The following POU2F2 variants were observed in gnomAD, a reference collection of about 807,000 sequenced individuals.
POU2F2 encodes the protein POU class 2 homeobox 2.
A neutral mutation model predicts 63.5 loss-of-function variants in POU2F2; 14 were observed. That is an observed-to-expected ratio of 0.22 (90% CI 0.15 to 0.34). The LOEUF (loss-of-function observed/expected upper bound fraction) is 0.34, where lower values mean the gene tolerates loss of function less well. Among genes scored for constraint, POU2F2 ranks in the 10% least tolerant of loss-of-function variants. The pLI is 1.00. For missense variants in POU2F2, 607 were observed against 815.2 expected, an observed-to-expected ratio of 0.74 and a Z score of 3.11; for synonymous variants, 306 against 348.6, an observed-to-expected ratio of 0.88 and a Z score of 1.36.
intron 2 of POU2F2, among the ~76,000 whole-genome samples, chr19:42,142,175 T>C (rs2146757186): frequency 6.6e-6 from 1 of 152,328 alleles, no homozygotes; most frequent in South Asian, 2.1e-4. Flanking sequence ...ACCTCTTTTG[T>C]AGTAACTTCA....
intron 1 of POU2F2, among the ~76,000 whole-genome samples, chr19:42,190,006 C>T (rs752723133): frequency 1.3e-5 from 2 of 152,158 alleles, no homozygotes; most frequent in Non-Finnish European, 2.9e-5. Context: ...GGATTACAGG[C>T]GTAAGCCGCT....
intron 1 of POU2F2, among the ~76,000 whole-genome samples, chr19:42,188,695 G>A (rs116032193): frequency 0.028 from 3,407 of 122,380 alleles, 169 homozygotes; most frequent in African/African-American, 0.095. Flanking sequence ...AAGAAAGAAA[G>A]TGAAAGAAAG....
chr19:42,106,001 TTC>T (rs1360611361), intron 5 of POU2F2, among the ~76,000 whole-genome samples: 4 of 88,214 alleles, frequency 4.5e-5, no homozygotes, highest in Admixed American at 1.1e-4. Flanking sequence ...TCTTTCTTTT[TTC>T]TTTCTTTCTT....
chr19:42,142,065 G>A (rs2034139023), intron 2 of POU2F2, among the ~76,000 whole-genome samples: 1 of 152,216 alleles, frequency 6.6e-6, no homozygotes, highest in Admixed American at 6.5e-5. Context: ...TATCATTGAT[G>A]TAAAACACAT....
chr19:42,140,921 C>T (rs1452993608), intron 2 of POU2F2, among the ~76,000 whole-genome samples: 1 of 152,192 alleles, frequency 6.6e-6, no homozygotes, highest in Non-Finnish European at 1.5e-5. Flanking sequence ...TCAACCTCCT[C>T]AGCTATCTCA....
chr19:42,117,009 C>CCATCA lies in POU2F2; in HGVS notation c.369+240_369+241insTGATG. The CCATCA allele has an allele frequency of 1.6e-6, 1 of 619,566 alleles. No homozygotes were observed. Among genetic ancestry groups the CCATCA allele is most frequent in the Non-Finnish European group, 2.9e-6 (1 of 342,256 alleles). The allele number at this position is 619,566 out of a possible 1,614,324, so 38.4% of individuals were successfully genotyped here. On this transcript the variant is annotated intron_variant, in intron 5 of 14. Transcript: ENST00000692977. This position sits in a 1 kb window ranked among gnomAD's most constrained non-coding sequence, Gnocchi z 4.4. ...GAGCTGGCATCAGTGCCGTGAGCTGCGGGGTGTCGGGGACAGCAGGAATTG... is the reference window on the plus strand; with the variant it reads ...GAGCTGGCATCAGTGCCGTGAGCTGCCATCAGGGGTGTCGGGGACAGCAGGAATTG...
chr19:42,122,381 G>A lies in POU2F2; in HGVS notation c.95-3C>T. The A allele has an allele frequency of 6.2e-7, 1 of 1,601,710 alleles. No homozygotes were observed. Among genetic ancestry groups the A allele is most frequent in the Non-Finnish European group, 8.5e-7 (1 of 1,174,708 alleles). On this transcript the variant is annotated splice_polypyrimidine_tract_variant and splice_region_variant and intron_variant, in intron 2 of 14. Transcript: ENST00000692977. ...GTCTGGTCCATTTCTTTCGGTGTCT[G>A]CAAAGAGAGGGAAAGGATGTGTTGT... is the stretch of plus-strand genomic sequence containing the variant.
chr19:42,141,975 C>A (rs765118304), intron 2 of POU2F2, among the ~76,000 whole-genome samples: 1 of 152,166 alleles, frequency 6.6e-6, no homozygotes, highest in Non-Finnish European at 1.5e-5. Context: ...TGAGACTGAT[C>A]TATGGATTGC....
At chr19:42,149,851 G>A (rs1278209499) in intron 2 of POU2F2, among the ~76,000 whole-genome samples, 3 of 152,264 alleles carry the variant, frequency 2.0e-5, no homozygotes, top group Non-Finnish European at 4.4e-5. Context: ...GGGCTGCTCC[G>A]GGCAGAGCTG....
intron 2 of POU2F2, among the ~76,000 whole-genome samples, chr19:42,138,650 G>A (rs763966959): frequency 8.5e-5 from 13 of 152,054 alleles, no homozygotes; most frequent in African/African-American, 1.2e-4. Context: ...GGTCCAAGGC[G>A]GCAGGGGAGA....
At chr19:42,097,199 T>G (rs1432043164) in intron 7 of POU2F2, among the ~76,000 whole-genome samples, 3 of 149,666 alleles carry the variant, frequency 2.0e-5, no homozygotes, top group Non-Finnish European at 3.0e-5. Context: ...TCAGTTTTTT[T>G]TTTTTTTTTT....
At chr19:42,187,472 A>C (rs982623344) in intron 1 of POU2F2, among the ~76,000 whole-genome samples, 1 of 150,592 alleles carries the variant, frequency 6.6e-6, no homozygotes, top group African/African-American at 2.4e-5. Flanking sequence ...AAAAAAAAAA[A>C]AAAAACAGGC....
intron 4 of POU2F2, 125 bp downstream of exon 4, chr19:42,122,001 G>T: frequency 9.9e-7 from 1 of 1,010,596 alleles, no homozygotes; most frequent in South Asian, 1.3e-5. Flanking sequence ...GAGAAGGGGC[G>T]GGAGGAACCT....
At chr19:42,194,865 A>G (rs1331500759) in intron 1 of POU2F2, among the ~76,000 whole-genome samples, 1 of 113,858 alleles carries the variant, frequency 8.8e-6, no homozygotes, top group Non-Finnish European at 1.8e-5. Flanking sequence ...GGGAAGGTGG[A>G]AAGAAGGAAA....
chr19:42,149,348 G>A (rs144200600), intron 2 of POU2F2, among the ~76,000 whole-genome samples: 16 of 152,290 alleles, frequency 1.1e-4, no homozygotes, highest in Non-Finnish European at 1.5e-4. Context: ...CTTTTTCTGC[G>A]TGTTCTGCTG....
At position 42,109,606 on chromosome 19, in the gene POU2F2, G is replaced by C. The variant is rs149243051; in HGVS notation, c.369+7644C>G. On this transcript the variant is annotated intron_variant, in intron 5 of 14. Coordinates refer to ENST00000692977, the MANE Select transcript of POU2F2 (RefSeq NM_001394376.1). Reference sequence around the variant, plus strand: ...CGGTGACTACTGCTAATAATGTACTGCATATTTCAAAATATCAAAGACAGA... The same window carrying C: ...CGGTGACTACTGCTAATAATGTACTCCATATTTCAAAATATCAAAGACAGA... 8.5e-3 allele frequency among the ~76,000 whole-genome samples: 1,288 copies of C among 152,258 alleles called. 13 individuals are homozygous for C. Among genetic ancestry groups the C allele is most frequent in the Non-Finnish European group, 0.014 (974 of 68,012 alleles).
chr19:42,193,986 G>A (rs1391429687), intron 1 of POU2F2, among the ~76,000 whole-genome samples: 4 of 152,126 alleles, frequency 2.6e-5, no homozygotes, highest in South Asian at 4.1e-4. Flanking sequence ...CAAACACAAC[G>A]CTGGGTAAAG....
chr19:42,179,086 G>A (rs961835385), upstream of POU2F2, among the ~76,000 whole-genome samples: 3 of 152,258 alleles, frequency 2.0e-5, no homozygotes, highest in African/African-American at 7.2e-5. Flanking sequence ...AGGTCTGGTA[G>A]ACAAGGCTGG....
Position 42,096,197 on chromosome 19 carries a change from T to C in POU2F2, c.614A>G (p.Gln205Arg). Residue 205 changes from glutamine to arginine, a missense_variant, in exon 8 of 15, where the codon CAG becomes CGG. Gln to Arg is a conservative substitution (Grantham distance 43). Coordinates refer to ENST00000692977, the MANE Select transcript of POU2F2 (RefSeq NM_001394376.1). The surrounding 1 kb of genome is among the most constrained non-coding windows in gnomAD (Gnocchi z 4.1). The part of the protein sequence containing the change: ...TLPDPHLSHP[Q>R]PPKCLEPPSH... The stretch of plus-strand genomic sequence containing the variant: ...TGGTGGCTCCAAGCATTTGGGGGGC[T>C]GCGGGTGCGAGAGGTGCGGGTCGGG... 2 of 1,553,952 alleles carry C rather than the reference T, an allele frequency of 1.3e-6. No individual in the cohort carries two copies. Among genetic ancestry groups the C allele is most frequent in the Non-Finnish European group, 1.7e-6 (2 of 1,146,312 alleles).
Sources: gnomAD v4.1 joint callset for allele counts (sites outside exome capture counted in the v4.1 genomes callset) on GRCh38, gnomAD v4.1.1 for gene constraint, Gnocchi (gnomAD v3.1) non-coding constraint, MANE v1.5 for transcripts, NCBI Gene and HGNC (gene_info 2026-07-23, HGNC 2026-07-21) for gene names.